The following LRMDA variants were observed in gnomAD, a reference collection of about 807,000 sequenced individuals.
LRMDA encodes leucine-rich melanocyte differentiation-associated protein.
In LRMDA, 18 loss-of-function variants were observed where a neutral mutation model predicts 29.8. That is an observed-to-expected ratio of 0.60 (90% CI 0.42 to 0.90). LRMDA has a LOEUF of 0.90. Among genes scored for constraint, LRMDA ranks in the 40% least tolerant of loss-of-function variants. LRMDA has a pLI of 0.00. For synonymous variants in LRMDA, 125 were observed against 109.4 expected, an observed-to-expected ratio of 1.14 and a Z score of -0.89; for missense variants, 273 against 273.9, an observed-to-expected ratio of 1.00 and a Z score of 0.02.
In LRMDA at chr10:75,888,232, A is replaced by T. The variant is rs190561427; in HGVS notation, c.132-147776A>T. 3.3e-5 allele frequency among the ~76,000 whole-genome samples: 5 copies of T among 152,246 alleles called. No homozygotes were observed. The East Asian group carries it at 7.7e-4, about 23-fold the overall frequency. On this transcript the variant is annotated intron_variant, in intron 2 of 6. Transcript: ENST00000611255. Reference sequence around the variant, plus strand: ...AACAGTACTGAAGAAAAAAAGAGAGAGTTCTGAGAGCTGCATGTGGAAACT... The same window carrying T: ...AACAGTACTGAAGAAAAAAAGAGAGTGTTCTGAGAGCTGCATGTGGAAACT...
At chr10:75,604,962 A>T (rs1017300509) in intron 2 of LRMDA, among the ~76,000 whole-genome samples, 8 of 152,158 alleles carry the variant, frequency 5.3e-5, no homozygotes, top group African/African-American at 1.9e-4. Flanking sequence ...GTATGCCCCA[A>T]ATTGCAATTC....
At chr10:75,616,282 C>CAGCAGCAGCAGT (rs1385861555) in intron 2 of LRMDA, among the ~76,000 whole-genome samples, 83 of 151,064 alleles carry the variant, frequency 5.5e-4, no homozygotes, top group African/African-American at 1.8e-3. Context: ...GCAGCAGCAG[C>CAGCAGCAGCAGT]AGTAGTAGTA....
At chr10:75,988,794 C>T (rs748744277) in intron 2 of LRMDA, among the ~76,000 whole-genome samples, 42 of 152,212 alleles carry the variant, frequency 2.8e-4, no homozygotes, top group Non-Finnish European at 5.6e-4. Flanking sequence ...CTCAAGCCTC[C>T]TCCCTGGCCC....
intron 6 of LRMDA, among the ~76,000 whole-genome samples, chr10:76,539,829 T>G (rs933055384): frequency 5.3e-5 from 8 of 152,148 alleles, no homozygotes; most frequent in South Asian, 4.1e-4. Context: ...ACATTTCTGT[T>G]GAAAGCCTGT....
intron 2 of LRMDA, among the ~76,000 whole-genome samples, chr10:75,644,150 A>G (rs574089437): frequency 2.1e-4 from 32 of 152,276 alleles, no homozygotes; most frequent in Non-Finnish European, 3.5e-4. Context: ...CAAGACAGGG[A>G]TTAAGATAGA....
chr10:75,711,465 T>G lies in LRMDA; in HGVS notation c.131+272971T>G, dbSNP rs936305781. 2.0e-5 allele frequency among the ~76,000 whole-genome samples: 3 copies of G among 152,182 alleles called. 1 individual carries two copies. Among genetic ancestry groups the G allele is most frequent in the Admixed American group, 2.0e-4 (3 of 15,282 alleles). On this transcript the variant is annotated intron_variant, in intron 2 of 6. Coordinates refer to ENST00000611255, the MANE Select transcript of LRMDA (RefSeq NM_001305581.2). ...TACAATTCCCTGTTTTTTTGGAACATTGTGTAGAAGAACGTACCCCACTGA... is the reference window on the plus strand; with the variant it reads ...TACAATTCCCTGTTTTTTTGGAACAGTGTGTAGAAGAACGTACCCCACTGA...
intron 2 of LRMDA, among the ~76,000 whole-genome samples, chr10:75,750,403 T>C (rs1842944588): frequency 7.7e-6 from 1 of 129,472 alleles, no homozygotes; most frequent in Admixed American, 7.7e-5. Context: ...CCAGACGGGG[T>C]GGCGGTCAGG....
chr10:76,261,656 GCC>G (rs1392381076), intron 5 of LRMDA, among the ~76,000 whole-genome samples: 1 of 152,132 alleles, frequency 6.6e-6, no homozygotes, highest in Non-Finnish European at 1.5e-5. Context: ...CTTCTCATAA[GCC>G]TTGAAAAGCA....
intron 2 of LRMDA, among the ~76,000 whole-genome samples, chr10:75,489,871 A>G (rs2915032): frequency 0.83 from 126,113 of 152,142 alleles, 52,543 homozygotes; most frequent in Admixed American, 0.87. Context: ...TGTCATGGGT[A>G]ATAAGAATAA....
chr10:76,376,551 A>G (rs776064529), intron 6 of LRMDA, among the ~76,000 whole-genome samples: 1 of 152,080 alleles, frequency 6.6e-6, no homozygotes, highest in African/African-American at 2.4e-5. Context: ...GCAACTTTTT[A>G]ATATAATTTT....
chr10:76,353,346 G>GTT (rs1253965859), intron 6 of LRMDA, among the ~76,000 whole-genome samples: 1 of 151,774 alleles, frequency 6.6e-6, no homozygotes, highest in Admixed American at 6.6e-5. Flanking sequence ...GTGTGTGTGT[G>GTT]TGTGTGTGTG....
intron 2 of LRMDA, among the ~76,000 whole-genome samples, chr10:75,692,260 T>TTTATA (rs1337079483): frequency 2.3e-5 from 3 of 132,024 alleles, no homozygotes; most frequent in African/African-American, 9.2e-5. Flanking sequence ...ATATATATAT[T>TTTATA]TTATATAAAT....
intron 2 of LRMDA, among the ~76,000 whole-genome samples, chr10:75,517,448 TTC>T (rs1483918984): frequency 6.6e-6 from 1 of 152,192 alleles, no homozygotes. Flanking sequence ...AGGTATTTTA[TTC>T]TCTTTGTAGC....
At chr10:76,378,353 T>C (rs897383831) in intron 6 of LRMDA, among the ~76,000 whole-genome samples, 17 of 152,164 alleles carry the variant, frequency 1.1e-4, no homozygotes, top group African/African-American at 4.1e-4. Flanking sequence ...GACTTCCTCT[T>C]TCCCAATTTG....
At chr10:76,372,707 T>A (rs1841469130) in intron 6 of LRMDA, among the ~76,000 whole-genome samples, 1 of 152,142 alleles carries the variant, frequency 6.6e-6, no homozygotes, top group Admixed American at 6.5e-5. Flanking sequence ...GCATCTTTTT[T>A]ATGCTATGCA....
chr10:75,748,920 T>C (rs1842920767), intron 2 of LRMDA, among the ~76,000 whole-genome samples: 1 of 152,210 alleles, frequency 6.6e-6, no homozygotes, highest in African/African-American at 2.4e-5. Flanking sequence ...TGTGTATCTA[T>C]ACACACATAC....
intron 6 of LRMDA, among the ~76,000 whole-genome samples, chr10:76,398,807 G>A (rs1564530548): frequency 6.6e-6 from 1 of 152,180 alleles, no homozygotes; most frequent in Non-Finnish European, 1.5e-5. Context: ...TCTCAGAAAA[G>A]GATGGTTTCT....
At chr10:76,102,153 A>G (rs916456413) in intron 5 of LRMDA, among the ~76,000 whole-genome samples, 1 of 152,012 alleles carries the variant, frequency 6.6e-6, no homozygotes, top group African/African-American at 2.4e-5. Flanking sequence ...GCTATATCAC[A>G]TTTTGTTTAT....
intron 5 of LRMDA, among the ~76,000 whole-genome samples, chr10:76,083,276 A>G (rs1162310204): frequency 6.6e-6 from 1 of 152,076 alleles, no homozygotes; most frequent in African/African-American, 2.4e-5. Context: ...TGCCCTAATC[A>G]TCCCAGGACC....
Sources: gnomAD v4.1 joint callset for allele counts (sites outside exome capture counted in the v4.1 genomes callset) on GRCh38, gnomAD v4.1.1 for gene constraint, MANE v1.5 for transcripts, NCBI Gene and HGNC (gene_info 2026-07-23, HGNC 2026-07-21) for gene names.